Variants in SNX29 observed in about 807,000 individuals in gnomAD.
The protein encoded by SNX29 is sorting nexin-29.
Under a neutral mutation model 102.1 loss-of-function variants are expected in SNX29, and 78 were observed. That is an observed-to-expected ratio of 0.76 (90% CI 0.64 to 0.92). The LOEUF (loss-of-function observed/expected upper bound fraction) is 0.92, where lower values mean the gene tolerates loss of function less well. Among genes scored for constraint, SNX29 ranks in the 40% least tolerant of loss-of-function variants. The pLI, the probability that SNX29 is intolerant of heterozygous loss-of-function variation, is 0.00. For missense variants in SNX29, 1,280 were observed against 1,061.7 expected (o/e 1.21, Z -2.86); for synonymous variants, 580 against 414.5 (o/e 1.40, Z -4.85).
intron 15 of SNX29, among the ~76,000 whole-genome samples, chr16:12,279,665 T>C (rs2079370091): frequency 6.6e-6 from 1 of 152,130 alleles, no homozygotes; most frequent in South Asian, 2.1e-4. Context: ...TGTGTCAGGA[T>C]TCGAACCCCT....
At chr16:12,557,529 T>A (rs778933645) in intron 20 of SNX29, 3 of 149,788 alleles carry the variant, frequency 2.0e-5, no homozygotes, top group Non-Finnish European at 4.4e-5. Flanking sequence ...TCCCAACTAA[T>A]TTTTGCATTT....
intron 13 of SNX29, among the ~76,000 whole-genome samples, chr16:12,159,080 C>G (rs1428626956): frequency 1.1e-4 from 16 of 152,214 alleles, no homozygotes; most frequent in Admixed American, 1.0e-3. Flanking sequence ...TGCATAACTG[C>G]ATTATCTTAG....
At chr16:12,561,646 C>G (rs1054450459) in intron 20 of SNX29, among the ~76,000 whole-genome samples, 8 of 152,194 alleles carry the variant, frequency 5.3e-5, no homozygotes, top group African/African-American at 1.9e-4. Context: ...AAAGAACAGC[C>G]ACTCCTGGGG....
intron 18 of SNX29, among the ~76,000 whole-genome samples, chr16:12,454,246 C>A (rs2086434962): frequency 6.6e-6 from 1 of 152,148 alleles, no homozygotes; most frequent in Non-Finnish European, 1.5e-5. Flanking sequence ...GGGATGGCAA[C>A]TCTGCAGCTA....
At chr16:12,185,748 T>G (rs830705) in intron 13 of SNX29, among the ~76,000 whole-genome samples, 89,601 of 152,200 alleles carry the variant, frequency 0.59, 29,883 homozygotes, top group Non-Finnish European at 0.73. Context: ...GTATTCAGAT[T>G]CGGGACATCT....
At chr16:12,007,984 C>T (rs531145884) in intron 3 of SNX29, among the ~76,000 whole-genome samples, 2 of 152,246 alleles carry the variant, frequency 1.3e-5, no homozygotes, top group South Asian at 2.1e-4. Context: ...CGCTCTGTCA[C>T]CCAGGCCGGA....
chr16:12,073,383 G>T (rs547155172), intron 10 of SNX29, among the ~76,000 whole-genome samples: 8 of 152,040 alleles, frequency 5.3e-5, no homozygotes, highest in African/African-American at 1.9e-4. Context: ...CTTTGTTCTC[G>T]TTGGTTTCAA....
intron 20 of SNX29, among the ~76,000 whole-genome samples, chr16:12,561,669 G>T (rs183300129): frequency 2.0e-5 from 3 of 152,160 alleles, no homozygotes; most frequent in Non-Finnish European, 4.4e-5. Flanking sequence ...CTCTGAGGGT[G>T]CCCTCACACA....
At chr16:11,987,331 A>G (rs977811462) in intron 1 of SNX29, among the ~76,000 whole-genome samples, 14 of 151,682 alleles carry the variant, frequency 9.2e-5, no homozygotes, top group African/African-American at 3.4e-4. Flanking sequence ...TGGTGTCCCA[A>G]AGTGCTGGAG....
chr16:12,279,014 T>G (rs552177116), intron 15 of SNX29, among the ~76,000 whole-genome samples: 1 of 152,328 alleles, frequency 6.6e-6, no homozygotes, highest in African/African-American at 2.4e-5. Flanking sequence ...ACCATTGATT[T>G]ATTACCATAT....
intron 14 of SNX29, among the ~76,000 whole-genome samples, chr16:12,203,930 G>C (rs2076981229): frequency 6.6e-6 from 1 of 152,160 alleles, no homozygotes; most frequent in Non-Finnish European, 1.5e-5. Context: ...GTTTTCACTT[G>C]ACCAGCGTCC....
chr16:12,242,073 C>A (rs571205248), intron 14 of SNX29, among the ~76,000 whole-genome samples: 60 of 152,124 alleles, frequency 3.9e-4, no homozygotes, highest in African/African-American at 1.4e-3. Context: ...TGGAGTCAGG[C>A]CTGGGGTAAA....
At chr16:12,440,121 A>G (rs1453742830) in intron 18 of SNX29, among the ~76,000 whole-genome samples, 1 of 152,218 alleles carries the variant, frequency 6.6e-6, no homozygotes, top group African/African-American at 2.4e-5. Context: ...CAAAGGGCAT[A>G]AATTGGAACA....
Position 12,155,393 on chromosome 16 carries a change from ATG to A in SNX29, c.1595+25637_1595+25638del, listed in dbSNP as rs545671171. Reference sequence around the variant, plus strand: ...AGCAGCTCACGTGAAGAGCCACAGAATGTTTCTCTTCTTGAGAGCACGGGGAT... The same window carrying A: ...AGCAGCTCACGTGAAGAGCCACAGAATTTCTCTTCTTGAGAGCACGGGGAT... On this transcript the variant is annotated intron_variant, in intron 13 of 20. Coordinates refer to ENST00000566228, the MANE Select transcript of SNX29 (RefSeq NM_032167.5). Among the ~76,000 whole-genome samples the A allele has an allele frequency of 3.0e-4, 46 of 152,276 alleles. No individual in the cohort carries two copies. In the East Asian group the frequency reaches 7.5e-3, roughly 25 times the overall value.
intron 20 of SNX29, among the ~76,000 whole-genome samples, chr16:12,552,497 C>G (rs1354934646): frequency 6.6e-6 from 1 of 152,194 alleles, no homozygotes; most frequent in Non-Finnish European, 1.5e-5. Context: ...AGGAATCTTG[C>G]TCAAAAATAG....
At chr16:12,322,611 C>G (rs1361729707) in intron 15 of SNX29, among the ~76,000 whole-genome samples, 1 of 152,098 alleles carries the variant, frequency 6.6e-6, no homozygotes, top group Non-Finnish European at 1.5e-5. Context: ...CTTTGGGTAA[C>G]TTGGGGATCA....
chr16:12,059,347 C>A (rs1277317474), intron 8 of SNX29, among the ~76,000 whole-genome samples: 1 of 152,218 alleles, frequency 6.6e-6, no homozygotes, highest in Non-Finnish European at 1.5e-5. Flanking sequence ...GTCAGAGCCT[C>A]AGGAGGGCGC....
At position 12,388,274 on chromosome 16, in the gene SNX29, A is replaced by C. The variant is rs757218590; in HGVS notation, c.1900-10172A>C. On this transcript the variant is annotated intron_variant, in intron 16 of 20. Coordinates refer to ENST00000566228, the MANE Select transcript of SNX29 (RefSeq NM_032167.5). ...TTATTGCTGTGTCTGTGGGCATGTC[A>C]CTTAGCTTCTCTGAGCCTCTGTAGA... Among the ~76,000 whole-genome samples, 9 of 152,298 alleles carry C rather than the reference A, an allele frequency of 5.9e-5. No individual in the cohort carries two copies. The South Asian group carries it at 1.9e-3, about 32-fold the overall frequency.
rs74653385 is a variant in SNX29, at chr16:12,518,905, A to G, written c.2179-5797A>G. Among the ~76,000 whole-genome samples, 152 of 152,276 alleles carry G rather than the reference A, an allele frequency of 1.0e-3. 2 individuals are homozygous for G. The East Asian group carries it at 0.028, about 28-fold the overall frequency. On this transcript the variant is annotated intron_variant, in intron 19 of 20. Coordinates refer to ENST00000566228, the MANE Select transcript of SNX29 (RefSeq NM_032167.5). ...CAGCCTCAGGGAATGTCACCTTGTG[A>G]TGTGAAGTAGATGCAGTGTAGCCTC...
Sources: allele counts gnomAD v4.1 joint callset (sites outside exome capture counted in the v4.1 genomes callset), GRCh38; gene constraint gnomAD v4.1.1; transcripts MANE v1.5; gene names NCBI Gene and HGNC (gene_info 2026-07-23, HGNC 2026-07-21).